Variants in NOL4L observed in about 807,000 individuals in gnomAD.
NOL4L encodes nucleolar protein 4 like, also known as nucleolar protein 4-like.
In NOL4L, 7 loss-of-function variants were observed where a neutral mutation model predicts 64.5. The observed-to-expected ratio is 0.11, with a 90% CI of 0.06 to 0.20. NOL4L has a LOEUF of 0.20. Ranked by LOEUF, NOL4L falls within the 10% of genes least tolerant of loss-of-function variation. The pLI, the probability that NOL4L is intolerant of heterozygous loss-of-function variation, is 1.00. For missense variants in NOL4L, 680 were observed against 967.1 expected, an observed-to-expected ratio of 0.70 and a Z score of 3.94; for synonymous variants, 413 against 401.0, an observed-to-expected ratio of 1.03 and a Z score of -0.36.
At chr20:32,494,251 G>T (rs1376234327) in intron 4 of NOL4L, among the ~76,000 whole-genome samples, 1 of 35,882 alleles carries the variant, frequency 2.8e-5, no homozygotes, top group Non-Finnish European at 4.4e-5. Flanking sequence ...AGATAATCTC[G>T]GGAAAAAAAA....
chr20:32,544,347 G>A (rs139619206), intron 1 of NOL4L, among the ~76,000 whole-genome samples: 2 of 152,058 alleles, frequency 1.3e-5, no homozygotes, highest in Non-Finnish European at 2.9e-5. Context: ...AGAGGCATGG[G>A]GCCTTTGAGG....
chr20:32,582,322 G>A (rs1453405565), intron 1 of NOL4L, among the ~76,000 whole-genome samples: 1 of 152,162 alleles, frequency 6.6e-6, no homozygotes, highest in African/African-American at 2.4e-5. Context: ...GAGAGCCAGG[G>A]TGGAGACTGG....
At chr20:32,499,046 T>G (rs2016812341) in intron 4 of NOL4L, among the ~76,000 whole-genome samples, 2 of 151,990 alleles carry the variant, frequency 1.3e-5, no homozygotes. Flanking sequence ...CGCCAGCTAA[T>G]TTTTGTATTT....
chr20:32,524,598 C>T (rs766033069), intron 2 of NOL4L, among the ~76,000 whole-genome samples: 7 of 152,182 alleles, frequency 4.6e-5, no homozygotes, highest in Non-Finnish European at 2.9e-5. Context: ...GAGGATTCAG[C>T]GTTGGCAAAA....
At chr20:32,539,494 C>T (rs150985612) in intron 1 of NOL4L, among the ~76,000 whole-genome samples, 86 of 152,276 alleles carry the variant, frequency 5.6e-4, no homozygotes, top group African/African-American at 1.6e-3. Context: ...TCAGCTGTGA[C>T]GTCCACGTGA....
At chr20:32,579,207 G>A (rs142195587) in intron 1 of NOL4L, among the ~76,000 whole-genome samples, 65 of 152,278 alleles carry the variant, frequency 4.3e-4, no homozygotes, top group African/African-American at 1.4e-3. Flanking sequence ...CATAGATGCC[G>A]ACAAACACGC....
chr20:32,520,765 C>T, intron 3 of NOL4L, 46 bp downstream of exon 3: 1 of 1,264,882 alleles, frequency 7.9e-7, no homozygotes, highest in Admixed American at 2.1e-5. Context: ...ACAGTCCACT[C>T]TTAGATGGCC....
rs386393630 is a variant in NOL4L, at chr20:32,447,403, C to CAAAA, written c.*189_*192dup. 0.046 allele frequency: 6,974 copies of CAAAA among 151,158 alleles called. 945 individuals carry two copies. Among genetic ancestry groups the CAAAA allele is most frequent in the East Asian group, 0.063 (216 of 3,422 alleles). 9.4% of individuals were successfully genotyped at this position (151,158 alleles called of 1,614,324 possible). A position where few individuals can be genotyped will look rare whatever the true frequency, so the allele number is the denominator to read the frequency against. On this transcript the variant is annotated 3_prime_UTR_variant, in exon 11 of 11. Transcript: ENST00000621426. ...TCAGAGCACCCGTGTGGTGAGATTC[C>CAAAA]AAAAAAAAAAAAAAAAAAAAAAAAA...
At position 32,456,367 on chromosome 20, in the gene NOL4L, G is replaced by C. The variant is rs139616661; in HGVS notation, c.870C>G (p.Gly290=). 997 of 1,469,628 alleles carry C rather than the reference G, an allele frequency of 6.8e-4. 1 individual carries two copies. The highest frequency in any genetic ancestry group is 8.7e-4 in the Non-Finnish European group (958 of 1,106,574). 91.0% of individuals were successfully genotyped at this position (1,469,628 alleles called of 1,614,324 possible). The change falls in exon 6 of 11, where the codon GGC becomes GGG. Residue 290 remains glycine (G), a synonymous_variant. Coordinates refer to ENST00000621426, the MANE Select transcript of NOL4L (RefSeq NM_001256798.2). ...DDDSSSESGS[G]NGSSTLNPST... The stretch of plus-strand genomic sequence containing the variant: ...ATGGGTTCAGGGTGGAGGAGCCATT[G>C]CCGCTGCCACTCTCAGAGGAGGAGT...
intron 1 of NOL4L, among the ~76,000 whole-genome samples, chr20:32,572,011 T>C (rs1323536580): frequency 1.3e-5 from 2 of 152,348 alleles, no homozygotes; most frequent in Non-Finnish European, 1.5e-5. Context: ...GTTGGCACCC[T>C]CTGCCAGGCA....
intron 1 of NOL4L, among the ~76,000 whole-genome samples, chr20:32,531,367 C>CA (rs1409291662): frequency 1.4e-5 from 2 of 147,002 alleles, no homozygotes; most frequent in East Asian, 4.0e-4. Flanking sequence ...ATTTCTATAC[C>CA]TTTTTTTTTT....
At position 32,474,627 on chromosome 20, in the gene NOL4L, G is replaced by A. The variant is rs769306542; in HGVS notation, c.815C>T (p.Pro272Leu). The A allele has an allele frequency of 2.5e-6, 4 of 1,613,028 alleles. No homozygotes were observed. The highest frequency in any genetic ancestry group is 2.7e-5 in the African/African-American group (2 of 74,934). The part of the protein sequence containing the change: ...SPSQDERMRS[P>L]QNLHSQEDDD... ...GTCCTCTTGACTGTGGAGGTTCTGC[G>A]GGCTCCGCATCCTCTCGTCCTGGCT... is the stretch of plus-strand genomic sequence containing the variant. Residue 272 changes from proline to leucine, a missense_variant, in exon 5 of 11, where the codon CCG becomes CTG. Coordinates refer to ENST00000621426, the MANE Select transcript of NOL4L (RefSeq NM_001256798.2).
intron 4 of NOL4L, among the ~76,000 whole-genome samples, chr20:32,509,580 A>C (rs1181748624): frequency 6.6e-6 from 1 of 152,004 alleles, no homozygotes; most frequent in Non-Finnish European, 1.5e-5. Flanking sequence ...GTTTCTGTAA[A>C]TCCTCAGAGC....
chr20:32,451,192 TTCC>T (rs905076636), intron 10 of NOL4L, among the ~76,000 whole-genome samples: 39 of 152,110 alleles, frequency 2.6e-4, no homozygotes, highest in Non-Finnish European at 4.9e-4. Context: ...CCTACTCAGG[TTCC>T]TCAATTCTTC....
chr20:32,496,244 TTCA>T (rs1424996079), intron 4 of NOL4L, among the ~76,000 whole-genome samples: 1 of 152,180 alleles, frequency 6.6e-6, no homozygotes, highest in African/African-American at 2.4e-5. Flanking sequence ...GCCCTCCCAC[TTCA>T]TCTCTGCAGG....
chr20:32,510,305 GC>G (rs1309445060), intron 4 of NOL4L: 8 of 267,976 alleles, frequency 3.0e-5, no homozygotes, highest in Non-Finnish European at 5.3e-5. Context: ...AGGGCTGGCC[GC>G]CCTGCCTCTT....
chr20:32,541,750 G>A (rs2145598306), intron 1 of NOL4L, among the ~76,000 whole-genome samples: 1 of 152,362 alleles, frequency 6.6e-6, no homozygotes, highest in East Asian at 1.9e-4. Context: ...GGGTAAATGG[G>A]CCAGCCTCCC....
chr20:32,481,974 G>GGA (rs1555794882), intron 4 of NOL4L, among the ~76,000 whole-genome samples: 2 of 148,064 alleles, frequency 1.4e-5, no homozygotes, highest in Non-Finnish European at 3.0e-5. Context: ...CGGGGGGGGG[G>GGA]GAGCAGGCTG....
intron 4 of NOL4L, among the ~76,000 whole-genome samples, chr20:32,491,715 T>C (rs1227159645): frequency 6.6e-6 from 1 of 152,154 alleles, no homozygotes; most frequent in East Asian, 1.9e-4. Flanking sequence ...CTCCCTTCTT[T>C]CCTGGTGCCC....
Sources: allele counts gnomAD v4.1 joint callset (sites outside exome capture counted in the v4.1 genomes callset), GRCh38; gene constraint gnomAD v4.1.1; transcripts MANE v1.5; gene names NCBI Gene and HGNC (gene_info 2026-07-23, HGNC 2026-07-21).